The following TARBP1 variants were observed in gnomAD, a reference collection of about 807,000 sequenced individuals.
TARBP1 encodes tRNA guanosine 2 -O-methyltransferase TARBP1, also known as tRNA (guanosine(18)-2'-O)-methyltransferase TARBP1.
In TARBP1, 144 loss-of-function variants were observed where a neutral mutation model predicts 178.6. That is an observed-to-expected ratio of 0.81 (90% CI 0.70 to 0.93). The LOEUF (loss-of-function observed/expected upper bound fraction) is 0.93, where lower values mean the gene tolerates loss of function less well. Among genes scored for constraint, TARBP1 ranks in the 40% least tolerant of loss-of-function variants. The pLI is 0.00. For missense variants in TARBP1, 2,067 were observed against 2,011.7 expected (o/e 1.03, Z -0.53); for synonymous variants, 787 against 781.0 (o/e 1.01, Z -0.13).
Position 234,478,845 on chromosome 1 carries a change from T to TG in TARBP1, c.258dup (p.Ser87GlnfsTer36). The TG allele has an allele frequency of 1.6e-6, 2 of 1,228,650 alleles. No homozygotes were observed. Among genetic ancestry groups the TG allele is most frequent in the Non-Finnish European group, 2.0e-6 (2 of 987,608 alleles). 76.1% of individuals were successfully genotyped at this position (1,228,650 alleles called of 1,614,324 possible). A position where few individuals can be genotyped will look rare whatever the true frequency, so the allele number is the denominator to read the frequency against. ...CGCCGGCGGTGGCGAGGCTGCAGACTGGGGTCCGGGCCGCCCGCGGGGCGT... is the reference window on the plus strand; with the variant it reads ...CGCCGGCGGTGGCGAGGCTGCAGACTGGGGGTCCGGGCCGCCCGCGGGGCGT... On this transcript the variant is annotated frameshift_variant, in exon 1 of 30. Transcript: ENST00000040877. LOFTEE classifies it high-confidence loss of function.
chr1:234,420,078 A>G (rs912375056), intron 21 of TARBP1, among the ~76,000 whole-genome samples: 6 of 152,256 alleles, frequency 3.9e-5, no homozygotes, highest in Non-Finnish European at 8.8e-5. Flanking sequence ...CTTTCTCATA[A>G]TGATGATCTA....
chr1:234,464,928 C>T (rs953197640), intron 5 of TARBP1, among the ~76,000 whole-genome samples: 5 of 152,128 alleles, frequency 3.3e-5, no homozygotes, highest in Non-Finnish European at 7.4e-5. Context: ...TTAACTGTGG[C>T]CTATAAGTAG....
chr1:234,418,092 A>C lies in TARBP1; in HGVS notation c.3697T>G (p.Phe1233Val), dbSNP rs1302108135. The C allele has an allele frequency of 2.2e-6, 3 of 1,359,270 alleles. No individual in the cohort carries two copies. The African/African-American group carries it at 4.6e-5, about 21-fold the overall frequency. 84.2% of individuals were successfully genotyped at this position (1,359,270 alleles called of 1,614,324 possible). Reference protein sequence around the residue: ...PQFLPKFWDCFSYGEENLKTS... With the variant: ...PQFLPKFWDCVSYGEENLKTS... ...AAATATTCTTTACTTACATAAGAAA[A>C]ACAATCCCAGAACTTTGGAAGAAAT... is the stretch of plus-strand genomic sequence containing the variant. Residue 1233 changes from phenylalanine to valine, a missense_variant, in exon 22 of 30, where the codon TTT becomes GTT. Transcript: ENST00000040877.
At chr1:234,411,436 T>C (rs762959587) in intron 22 of TARBP1, among the ~76,000 whole-genome samples, 8 of 152,136 alleles carry the variant, frequency 5.3e-5, no homozygotes, top group African/African-American at 1.2e-4. Flanking sequence ...AAGGGCATGC[T>C]CACTTCAGGA....
At chr1:234,447,027 T>C in intron 11 of TARBP1, 52 bp from the exon 12 acceptor site, 2 of 1,596,824 alleles carry the variant, frequency 1.3e-6, no homozygotes, top group Non-Finnish European at 1.7e-6. Context: ...CATAAGCAAA[T>C]TGCTTCCCAC....
chr1:234,396,746 C>A (rs1056913953), intron 26 of TARBP1, among the ~76,000 whole-genome samples: 1 of 151,682 alleles, frequency 6.6e-6, no homozygotes, highest in Middle Eastern at 3.2e-3. Flanking sequence ...AGGGTGGTTC[C>A]AGACCCATAA....
intron 21 of TARBP1, among the ~76,000 whole-genome samples, chr1:234,419,558 C>T (rs2103092859): frequency 6.6e-6 from 1 of 152,256 alleles, no homozygotes; most frequent in East Asian, 1.9e-4. Context: ...TGCTAGCTTT[C>T]CTTTTTCTTG....
chr1:234,401,562 T>C (rs1185787750), intron 24 of TARBP1, among the ~76,000 whole-genome samples: 1 of 152,218 alleles, frequency 6.6e-6, no homozygotes, highest in African/African-American at 2.4e-5. Context: ...ACTCATACCA[T>C]GCAGCCAAGT....
Position 234,478,486 on chromosome 1 carries a change from C to T in TARBP1, c.618G>A (p.Ala206=). Residue 206 remains alanine (A), a synonymous_variant, in exon 1 of 30, where the codon GCG becomes GCA. Transcript: ENST00000040877. ...LPVLVQCGGA[A]LRAVWGGLAA... ...CCAGCCCGCCCCACACGGCCCGCAG[C>T]GCCGCCCCGCCACATTGGACCAGCA... The T allele has an allele frequency of 7.2e-7, 1 of 1,381,788 alleles. No homozygotes were observed. The highest frequency in any genetic ancestry group is 9.4e-7 in the Non-Finnish European group (1 of 1,064,824). The allele number at this position is 1,381,788 out of a possible 1,614,324, so 85.6% of individuals were successfully genotyped here. A position where few individuals can be genotyped will look rare whatever the true frequency, so the allele number is the denominator to read the frequency against.
rs140812885 is a variant in TARBP1 at position 234,413,388 on chromosome 1, C to T, written c.3706-2857G>A. Among the ~76,000 whole-genome samples, 816 of 152,282 alleles carry T rather than the reference C, an allele frequency of 5.4e-3. 4 individuals carry two copies. Among genetic ancestry groups the T allele is most frequent in the South Asian group, 0.027 (132 of 4,828 alleles). On this transcript the variant is annotated intron_variant, in intron 22 of 29. Transcript: ENST00000040877. ...ACTCGGGAGGCTGAAGCAGGAGAAT[C>T]GCTTGAACCCGGGAGGCAGAGGTTG...
At position 234,479,141 on chromosome 1, in the gene TARBP1, G is replaced by A. The variant is rs541829636; in HGVS notation, c.-38C>T. On this transcript the variant is annotated 5_prime_UTR_variant, in exon 1 of 30. Coordinates refer to ENST00000040877, the MANE Select transcript of TARBP1 (RefSeq NM_005646.4). Reference sequence around the variant, plus strand: ...CGCGCCACCGGCCCGGGCTCCCAAAGGAAGGCGCCGGCGTGTGCGATGCGT... The same window carrying A: ...CGCGCCACCGGCCCGGGCTCCCAAAAGAAGGCGCCGGCGTGTGCGATGCGT... 2.8e-4 allele frequency: 414 copies of A among 1,488,510 alleles called. 4 individuals are homozygous for A. The South Asian group carries it at 3.1e-3, about 11-fold the overall frequency. 92.2% of individuals were successfully genotyped at this position (1,488,510 alleles called of 1,614,324 possible).
intron 28 of TARBP1, 124 bp from the exon 29 acceptor site, chr1:234,392,676 AT>A: frequency 1.3e-6 from 1 of 797,880 alleles, no homozygotes; most frequent in Non-Finnish European, 1.9e-6. Flanking sequence ...AGAATTATAC[AT>A]TATAAAAAAG....
intron 22 of TARBP1, among the ~76,000 whole-genome samples, chr1:234,412,623 T>A (rs1661954742): frequency 6.6e-6 from 1 of 151,880 alleles, no homozygotes; most frequent in African/African-American, 2.4e-5. Context: ...GATCTATAAT[T>A]GCCGGGTGAC....
intron 14 of TARBP1, among the ~76,000 whole-genome samples, chr1:234,431,115 AG>A (rs1664391405): frequency 6.6e-6 from 1 of 152,212 alleles, no homozygotes; most frequent in Non-Finnish European, 1.5e-5. Flanking sequence ...CAGCACTGAG[AG>A]ATTACAGCAG....
chr1:234,476,923 C>T (rs1195849565), intron 1 of TARBP1, among the ~76,000 whole-genome samples: 13 of 152,238 alleles, frequency 8.5e-5, no homozygotes, highest in Non-Finnish European at 1.6e-4. Context: ...CGGTGGCTCA[C>T]GCCTGTAATC....
chr1:234,424,743 T>C (rs1663510192), intron 20 of TARBP1, among the ~76,000 whole-genome samples: 1 of 152,002 alleles, frequency 6.6e-6, no homozygotes, highest in Admixed American at 6.5e-5. Context: ...CTGACCAACA[T>C]GGTGAAACCC....
At chr1:234,414,691 G>A (rs1479141251) in intron 22 of TARBP1, among the ~76,000 whole-genome samples, 1 of 152,034 alleles carries the variant, frequency 6.6e-6, no homozygotes, top group Non-Finnish European at 1.5e-5. Context: ...TGGGAAGGAT[G>A]TGAAAAAATA....
intron 24 of TARBP1, 101 bp from the exon 25 acceptor site, chr1:234,401,363 G>A: frequency 2.4e-6 from 2 of 816,606 alleles, no homozygotes; most frequent in South Asian, 3.2e-5. Flanking sequence ...GAGTTGAGAA[G>A]GAACAGAAAA....
At chr1:234,408,649 C>A (rs1259519344) in intron 23 of TARBP1, among the ~76,000 whole-genome samples, 2 of 152,012 alleles carry the variant, frequency 1.3e-5, no homozygotes, top group African/African-American at 4.8e-5. Context: ...GATCTCGTGG[C>A]CCCCACCCTG....
Sources: allele counts gnomAD v4.1 joint callset (sites outside exome capture counted in the v4.1 genomes callset), GRCh38; gene constraint gnomAD v4.1.1; transcripts MANE v1.5; gene names NCBI Gene and HGNC (gene_info 2026-07-23, HGNC 2026-07-21).